The following PUS10 variants were observed in gnomAD, a reference collection of about 807,000 sequenced individuals.
PUS10 encodes the protein pseudouridine synthase 10.
In PUS10, 59 loss-of-function variants were observed where a neutral mutation model predicts 75.0. That is an observed-to-expected ratio of 0.79 (90% CI 0.64 to 0.98). The LOEUF (loss-of-function observed/expected upper bound fraction) is 0.98, where lower values mean the gene tolerates loss of function less well. Ranked by LOEUF, PUS10 falls within the 50% of genes least tolerant of loss-of-function variation. The pLI, the probability that PUS10 is intolerant of heterozygous loss-of-function variation, is 0.00. For missense variants in PUS10, 650 were observed against 614.4 expected (o/e 1.06, Z -0.61); for synonymous variants, 219 against 211.6 (o/e 1.03, Z -0.30).
At chr2:60,944,425 C>T (rs558423615) in intron 17 of PUS10, among the ~76,000 whole-genome samples, 8 of 152,226 alleles carry the variant, frequency 5.3e-5, no homozygotes, top group Middle Eastern at 6.8e-3. Flanking sequence ...GGGAGAGGAG[C>T]GGGGGAGGTA....
At chr2:60,963,839 A>G (rs1241725497) in intron 8 of PUS10, among the ~76,000 whole-genome samples, 1 of 152,204 alleles carries the variant, frequency 6.6e-6, no homozygotes, top group East Asian at 1.9e-4. Flanking sequence ...CCACTGGCCA[A>G]TGGTGTGGTG....
At chr2:60,956,627 A>G (rs1333437524) in intron 11 of PUS10, among the ~76,000 whole-genome samples, 1 of 152,218 alleles carries the variant, frequency 6.6e-6, no homozygotes, top group Non-Finnish European at 1.5e-5. Flanking sequence ...GAAGGCCACA[A>G]AAGCATTTGA....
At chr2:60,955,792 C>T (rs569010391) in intron 11 of PUS10, among the ~76,000 whole-genome samples, 5 of 152,252 alleles carry the variant, frequency 3.3e-5, no homozygotes, top group African/African-American at 4.8e-5. Context: ...CCCATGGGAA[C>T]GCCAAGGCAG....
chr2:61,011,430 G>A (rs954104648), intron 2 of PUS10, among the ~76,000 whole-genome samples: 1 of 152,146 alleles, frequency 6.6e-6, no homozygotes, highest in African/African-American at 2.4e-5. Context: ...GGACATGTAA[G>A]GAATATTAGC....
At chr2:60,976,387 T>C (rs1677034720) in intron 4 of PUS10, among the ~76,000 whole-genome samples, 2 of 152,362 alleles carry the variant, frequency 1.3e-5, no homozygotes, top group Admixed American at 6.5e-5. Context: ...TATCTGTCTC[T>C]TCTTTAAGGA....
At chr2:61,008,341 T>C (rs928997997) in intron 3 of PUS10, among the ~76,000 whole-genome samples, 7 of 151,866 alleles carry the variant, frequency 4.6e-5, no homozygotes, top group Non-Finnish European at 5.9e-5. Context: ...CTGACCAACA[T>C]GGAGAAACCC....
chr2:60,954,041 T>C (rs1359762245), intron 13 of PUS10, 41 bp downstream of exon 13: 18 of 1,611,150 alleles, frequency 1.1e-5, no homozygotes, highest in Non-Finnish European at 1.5e-5. Context: ...AGTTACAGAA[T>C]TGCAGAAACA....
At chr2:61,010,552 CCT>C (rs1376586570) in intron 2 of PUS10, 6 of 348,784 alleles carry the variant, frequency 1.7e-5, no homozygotes, top group African/African-American at 8.3e-5. Context: ...GTCTTGAACC[CCT>C]GACCTCGTGA....
intron 15 of PUS10, among the ~76,000 whole-genome samples, chr2:60,949,211 A>T (rs1675182996): frequency 6.6e-6 from 1 of 152,182 alleles, no homozygotes; most frequent in Admixed American, 6.5e-5. Context: ...TCTCCATAAG[A>T]TCTGATTTTT....
chr2:61,006,791 C>T, intron 3 of PUS10, 148 bp from the exon 4 acceptor site: 1 of 620,212 alleles, frequency 1.6e-6, no homozygotes, highest in East Asian at 2.9e-5. Context: ...TCACAAATAT[C>T]TTGAGATTAA....
At chr2:60,960,647 T>C (rs1044004269) in intron 10 of PUS10, 130 bp from the exon 11 acceptor site, 1 of 714,940 alleles carries the variant, frequency 1.4e-6, no homozygotes, top group Non-Finnish European at 2.1e-6. Flanking sequence ...ATCCTTTACC[T>C]AACTAACAAT....
intron 1 of PUS10, 58 bp downstream of exon 1, chr2:61,017,950 C>G: frequency 4.4e-6 from 6 of 1,377,946 alleles, no homozygotes; most frequent in Non-Finnish European, 6.0e-6. Flanking sequence ...TTCCCTTCCC[C>G]CCTTTAACCA....
At chr2:61,003,531 G>A (rs1573507425) in intron 4 of PUS10, among the ~76,000 whole-genome samples, 1 of 150,036 alleles carries the variant, frequency 6.7e-6, no homozygotes, top group African/African-American at 2.4e-5. Flanking sequence ...ATGCGTTAAT[G>A]CAAATTTTAT....
At chr2:60,985,394 A>G (rs1677656285) in intron 4 of PUS10, among the ~76,000 whole-genome samples, 1 of 152,206 alleles carries the variant, frequency 6.6e-6, no homozygotes, top group South Asian at 2.1e-4. Flanking sequence ...ACAGTACAAA[A>G]CAGTTTCTAT....
chr2:60,952,222 T>C (rs1354860313), intron 15 of PUS10, among the ~76,000 whole-genome samples: 2 of 150,724 alleles, frequency 1.3e-5, no homozygotes, highest in African/African-American at 4.9e-5. Context: ...TAATCTCCGC[T>C]ACCCAGGAGG....
At chr2:60,949,571 T>G (rs2104181968) in intron 15 of PUS10, among the ~76,000 whole-genome samples, 1 of 152,318 alleles carries the variant, frequency 6.6e-6, no homozygotes, top group African/African-American at 2.4e-5. Context: ...TTTTTGTTTT[T>G]TTTTTTAGAA....
At position 61,018,195 on chromosome 2, in the gene PUS10, G is replaced by A. The variant is rs774331732; in HGVS notation, c.-203C>T. 1.3e-6 allele frequency: 2 copies of A among 1,550,976 alleles called. No homozygotes were observed. The highest frequency in any genetic ancestry group is 1.2e-5 in the South Asian group (1 of 84,058). On this transcript the variant is annotated 5_prime_UTR_variant, in exon 1 of 18. Transcript: ENST00000316752. Reference sequence around the variant, plus strand: ...CTCTATCTTTAAAGCGTAGACTTTGGTCTGTAGCAGTTGAGAGCGGCATTT... The same window carrying A: ...CTCTATCTTTAAAGCGTAGACTTTGATCTGTAGCAGTTGAGAGCGGCATTT...
chr2:61,004,659 T>C (rs1172120796), intron 4 of PUS10, among the ~76,000 whole-genome samples: 1 of 138,676 alleles, frequency 7.2e-6, no homozygotes, highest in Admixed American at 7.1e-5. Flanking sequence ...AAAGAGAAAG[T>C]AACATAAAAA....
intron 10 of PUS10, among the ~76,000 whole-genome samples, chr2:60,961,084 T>C (rs1676000747): frequency 6.6e-6 from 1 of 152,214 alleles, no homozygotes; most frequent in South Asian, 2.1e-4. Context: ...TGTTTAGTCA[T>C]TTTGGAGATA....
Sources: allele counts gnomAD v4.1 joint callset (sites outside exome capture counted in the v4.1 genomes callset), GRCh38; gene constraint gnomAD v4.1.1; transcripts MANE v1.5; gene names NCBI Gene and HGNC (gene_info 2026-07-23, HGNC 2026-07-21).